ITPR2: variants seen among roughly 807,000 people sequenced by gnomAD.
ITPR2 encodes inositol 1,4,5-trisphosphate-gated calcium channel ITPR2.
A neutral mutation model predicts 317.1 loss-of-function variants in ITPR2; 207 were observed. The observed-to-expected ratio is 0.65, with a 90% CI of 0.58 to 0.73. The LOEUF (loss-of-function observed/expected upper bound fraction) is 0.73, where lower values mean the gene tolerates loss of function less well. ITPR2 is among the 30% of genes least tolerant of loss of function. The probability of loss-of-function intolerance (pLI) is 0.00; values close to 1 mark genes in which losing one functional copy is unlikely to be tolerated. For missense variants in ITPR2, 2,613 were observed against 3,284.0 expected (o/e 0.80, Z 4.99); for synonymous variants, 1,156 against 1,149.1 (o/e 1.01, Z -0.12).
intron 32 of ITPR2, among the ~76,000 whole-genome samples, chr12:26,591,079 C>CA (rs34387951): frequency 0.099 from 4,287 of 43,096 alleles, 430 homozygotes; most frequent in East Asian, 0.17. Flanking sequence ...GACTCCATCT[C>CA]AAAAAAAAAA....
intron 37 of ITPR2, among the ~76,000 whole-genome samples, chr12:26,517,314 A>G (rs143710642): frequency 6.6e-6 from 1 of 152,344 alleles, no homozygotes; most frequent in African/African-American, 2.4e-5. Context: ...AAAGTATAAT[A>G]TCCAGAATCT....
chr12:26,744,382 CT>C (rs1163714970), intron 2 of ITPR2, among the ~76,000 whole-genome samples: 23 of 152,258 alleles, frequency 1.5e-4, no homozygotes, highest in South Asian at 4.1e-4. Context: ...CTCTCCACCT[CT>C]GCCTGTTCCC....
chr12:26,824,112 C>T (rs1436313103), intron 1 of ITPR2, among the ~76,000 whole-genome samples: 1 of 152,114 alleles, frequency 6.6e-6, no homozygotes, highest in Non-Finnish European at 1.5e-5. Flanking sequence ...CATAGCTTAG[C>T]CTAACCTTCT....
At chr12:26,702,062 T>C (rs1247876993) in intron 9 of ITPR2, among the ~76,000 whole-genome samples, 1 of 152,176 alleles carries the variant, frequency 6.6e-6, no homozygotes, top group African/African-American at 2.4e-5. Context: ...CATATTTTCC[T>C]ATGCAAAATA....
intron 43 of ITPR2, among the ~76,000 whole-genome samples, chr12:26,477,282 C>T (rs990763582): frequency 6.6e-6 from 1 of 151,810 alleles, no homozygotes; most frequent in Admixed American, 6.6e-5. Context: ...TTACTATATA[C>T]CACACTAAAA....
At chr12:26,461,621 CATATAA>C (rs1272488862) in intron 45 of ITPR2, among the ~76,000 whole-genome samples, 1,331 of 119,094 alleles carry the variant, frequency 0.011, 22 homozygotes, top group Middle Eastern at 0.027. Flanking sequence ...AAAAGAAAAG[CATATAA>C]ATATATATAT....
chr12:26,620,708 A>G (rs1204271433), intron 26 of ITPR2, among the ~76,000 whole-genome samples: 2 of 152,196 alleles, frequency 1.3e-5, no homozygotes, highest in Non-Finnish European at 2.9e-5. Context: ...ACTTTTATAT[A>G]TTATATAAGG....
At chr12:26,417,440 AG>A (rs1372940790) in intron 50 of ITPR2, among the ~76,000 whole-genome samples, 9 of 152,276 alleles carry the variant, frequency 5.9e-5, no homozygotes, top group African/African-American at 2.2e-4. Context: ...TGTCAAGGGA[AG>A]GACCTGGTGG....
intron 2 of ITPR2, among the ~76,000 whole-genome samples, chr12:26,739,360 C>T (rs894868278): frequency 6.6e-5 from 10 of 152,204 alleles, no homozygotes; most frequent in African/African-American, 2.4e-4. Context: ...TGCAAATGTC[C>T]ACCTACATTA....
chr12:26,542,070 A>C (rs753886925), intron 37 of ITPR2, among the ~76,000 whole-genome samples: 5 of 152,206 alleles, frequency 3.3e-5, no homozygotes, highest in Non-Finnish European at 7.3e-5. Flanking sequence ...ATTAGATGCT[A>C]TGCTATTTGT....
At chr12:26,468,537 A>G (rs978509520) in intron 45 of ITPR2, among the ~76,000 whole-genome samples, 35 of 146,200 alleles carry the variant, frequency 2.4e-4, no homozygotes, top group Admixed American at 2.8e-4. Context: ...AGTGCCTGCT[A>G]TATTCTAGGC....
chr12:26,510,004 G>GTGTGTGTGTGTGTGTGT (rs1555144482), intron 37 of ITPR2, among the ~76,000 whole-genome samples: 11 of 112,234 alleles, frequency 9.8e-5, no homozygotes, highest in East Asian at 2.4e-4. Context: ...GTGTGTGTGT[G>GTGTGTGTGTGTGTGTGT]GTGGGGGGTG....
chr12:26,454,933 C>T (rs1194932561), intron 45 of ITPR2, among the ~76,000 whole-genome samples: 10 of 152,226 alleles, frequency 6.6e-5, no homozygotes, highest in Admixed American at 1.3e-4. Flanking sequence ...AGTTCCTGAA[C>T]CAATGAGGCT....
intron 2 of ITPR2, among the ~76,000 whole-genome samples, chr12:26,753,009 C>T (rs1949453346): frequency 6.6e-6 from 1 of 152,048 alleles, no homozygotes. Context: ...GACCCCCCAC[C>T]CAAAGGAAAT....
chr12:26,823,410 G>A (rs1254110536), intron 1 of ITPR2, among the ~76,000 whole-genome samples: 1 of 152,122 alleles, frequency 6.6e-6, no homozygotes, highest in Non-Finnish European at 1.5e-5. Flanking sequence ...CTAGCCAAGA[G>A]TCATACTACA....
At chr12:26,527,497 T>C (rs1357572691) in intron 37 of ITPR2, among the ~76,000 whole-genome samples, 1 of 152,238 alleles carries the variant, frequency 6.6e-6, no homozygotes, top group Non-Finnish European at 1.5e-5. Context: ...ACTGGTAGAC[T>C]TACTGAGATA....
intron 10 of ITPR2, 114 bp downstream of exon 10, chr12:26,695,492 C>A: frequency 1.2e-6 from 1 of 832,560 alleles, no homozygotes; most frequent in South Asian, 1.5e-5. Flanking sequence ...AGGCTCTACT[C>A]AGAAAATCTC....
chr12:26,645,379 T>G (rs988308113), intron 21 of ITPR2, among the ~76,000 whole-genome samples: 2 of 152,250 alleles, frequency 1.3e-5, no homozygotes, highest in Non-Finnish European at 2.9e-5. Flanking sequence ...TGCCTTTTCT[T>G]AGAGTCTAAA....
In ITPR2 at chr12:26,483,881, T is replaced by A; in HGVS notation, c.5829A>T (p.Gln1943His). ...NRELQNFLRN[Q>H]NNKTNYNLVC... The stretch of plus-strand genomic sequence containing the variant: ...CTAGGTTGTAATTTGTTTTGTTGTT[T>A]TGATTCCTCAAGAAGTTCTGAAGGC... The change falls in exon 42 of 57, where the codon CAA becomes CAT. Residue 1943 changes from glutamine to histidine, a missense_variant. By Grantham distance (24) the Gln-to-His change is conservative. Around this residue, in one of 9 missense-constraint regions of ITPR2, gnomAD observed 926 missense variants for 1,072.8 expected, o/e 0.86. Coordinates refer to ENST00000381340, the MANE Select transcript of ITPR2 (RefSeq NM_002223.4). The A allele has an allele frequency of 6.2e-7, 1 of 1,614,124 alleles. No homozygotes were observed. Among genetic ancestry groups the A allele is most frequent in the Non-Finnish European group, 8.5e-7 (1 of 1,179,972 alleles).
Sources: gnomAD v4.1 joint callset for allele counts (sites outside exome capture counted in the v4.1 genomes callset) on GRCh38, gnomAD v4.1.1 for gene constraint, gnomAD v4.1.1 regional missense constraint, MANE v1.5 for transcripts, NCBI Gene and HGNC (gene_info 2026-07-23, HGNC 2026-07-21) for gene names.